TENM2: variants seen among roughly 807,000 people sequenced by gnomAD.
TENM2 encodes the protein teneurin-2.
In TENM2, 52 loss-of-function variants were observed where a neutral mutation model predicts 245.2. That is an observed-to-expected ratio of 0.21 (90% CI 0.17 to 0.27). The LOEUF (loss-of-function observed/expected upper bound fraction) is 0.27, where lower values mean the gene tolerates loss of function less well. Ranked by LOEUF, TENM2 falls within the 10% of genes least tolerant of loss-of-function variation. The pLI is 1.00. For missense variants in TENM2, 3,046 were observed against 3,666.8 expected, an observed-to-expected ratio of 0.83 and a Z score of 4.37; for synonymous variants, 1,363 against 1,438.9, an observed-to-expected ratio of 0.95 and a Z score of 1.19.
the TENM2 span, among the ~76,000 whole-genome samples, chr5:167,049,126 C>G: frequency 6.6e-6 from 1 of 152,150 alleles, no homozygotes; most frequent in African/African-American, 2.4e-5. Flanking sequence ...AGCTATAGGG[C>G]TATCATGCGA....
At chr5:167,681,243 C>T (rs1756685965) in intron 2 of TENM2, among the ~76,000 whole-genome samples, 1 of 152,110 alleles carries the variant, frequency 6.6e-6, no homozygotes, top group African/African-American at 2.4e-5. Flanking sequence ...CATTGTTTTT[C>T]TTCTTTTCTT....
chr5:167,632,295 A>G (rs1219358788), intron 2 of TENM2, among the ~76,000 whole-genome samples: 2 of 152,216 alleles, frequency 1.3e-5, no homozygotes, highest in African/African-American at 4.8e-5. Context: ...CTTGGATCCA[A>G]ATATATCAGG....
intron 2 of TENM2, among the ~76,000 whole-genome samples, chr5:167,812,531 C>T (rs1226760748): frequency 6.6e-6 from 1 of 152,154 alleles, no homozygotes; most frequent in African/African-American, 2.4e-5. Context: ...GTGAATGCTG[C>T]TCGTGGACAT....
intron 2 of TENM2, among the ~76,000 whole-genome samples, chr5:167,857,898 T>C (rs1003179977): frequency 6.6e-6 from 1 of 152,238 alleles, no homozygotes; most frequent in Non-Finnish European, 1.5e-5. Context: ...TAGACTCAGG[T>C]CACTAACTTA....
At chr5:167,133,543 G>A in the TENM2 span, among the ~76,000 whole-genome samples, 1 of 148,906 alleles carries the variant, frequency 6.7e-6, no homozygotes, top group Non-Finnish European at 1.5e-5. Flanking sequence ...TTGCTGACAG[G>A]TATTAATTAT....
chr5:167,515,909 C>G (rs898147338), intron 2 of TENM2, among the ~76,000 whole-genome samples: 2 of 151,966 alleles, frequency 1.3e-5, no homozygotes, highest in Non-Finnish European at 2.9e-5. Flanking sequence ...TAATTACACT[C>G]ATTTAGCCAA....
intron 1 of TENM2, among the ~76,000 whole-genome samples, chr5:167,328,150 TTTC>T (rs886695771): frequency 3.3e-5 from 5 of 151,758 alleles, no homozygotes; most frequent in Non-Finnish European, 7.4e-5. Flanking sequence ...AAAAATCAGT[TTTC>T]TTATTTCTCT....
intron 2 of TENM2, among the ~76,000 whole-genome samples, chr5:167,858,710 G>GCCGCTGCCGCGACCGA (rs1297204077): frequency 1.3e-5 from 2 of 151,096 alleles, no homozygotes; most frequent in Non-Finnish European, 3.0e-5. Context: ...ATGAAGCAGA[G>GCCGCTGCCGCGACCGA]CCGCTGCCGC....
chr5:167,679,209 A>G (rs1009356253), intron 2 of TENM2, among the ~76,000 whole-genome samples: 3 of 152,122 alleles, frequency 2.0e-5, no homozygotes, highest in Non-Finnish European at 2.9e-5. Flanking sequence ...CCCTGTTATC[A>G]TCTACTTATA....
chr5:167,736,686 G>GAAAA (rs57992345), intron 2 of TENM2, among the ~76,000 whole-genome samples: 6 of 127,574 alleles, frequency 4.7e-5, no homozygotes, highest in East Asian at 4.5e-4. Context: ...CCTGGCTCAG[G>GAAAA]AAAAAAAAAA....
rs367755254 is a variant in TENM2, at chr5:167,915,649, AAAC to A, written c.713-36930_713-36928del. On this transcript the variant is annotated intron_variant, in intron 3 of 28. Coordinates refer to ENST00000518659, the Ensembl canonical transcript of TENM2. ...TCTCCAATCCCTCCCCTTACAACAAAAACAACAACAAAAATTAAAGGCATAAAC... is the reference window on the plus strand; with the variant it reads ...TCTCCAATCCCTCCCCTTACAACAAAAACAACAAAAATTAAAGGCATAAAC... 1.6e-3 allele frequency among the ~76,000 whole-genome samples: 242 copies of A among 152,316 alleles called. 1 individual carries two copies. The highest frequency in any genetic ancestry group is 5.6e-3 in the African/African-American group (234 of 41,558).
chr5:167,810,029 T>A (rs1350122076), intron 2 of TENM2, among the ~76,000 whole-genome samples: 1 of 152,080 alleles, frequency 6.6e-6, no homozygotes, highest in Non-Finnish European at 1.5e-5. Flanking sequence ...CAAGGTTAGA[T>A]CTTTAAGGAA....
intron 2 of TENM2, among the ~76,000 whole-genome samples, chr5:167,681,231 CA>C (rs1338033698): frequency 6.6e-6 from 1 of 152,120 alleles, no homozygotes; most frequent in Non-Finnish European, 1.5e-5. Flanking sequence ...CACGGACACA[CA>C]CATTGTTTTT....
chr5:167,851,962 A>G (rs1169466193), intron 2 of TENM2, among the ~76,000 whole-genome samples: 1 of 152,184 alleles, frequency 6.6e-6, no homozygotes, highest in African/African-American at 2.4e-5. Context: ...TTTATTGCCT[A>G]TGTCTGTACT....
chr5:167,757,387 C>T (rs1762378160), intron 2 of TENM2, among the ~76,000 whole-genome samples: 1 of 152,082 alleles, frequency 6.6e-6, no homozygotes, highest in Non-Finnish European at 1.5e-5. Context: ...TGATGGTTTC[C>T]AGCTACATCC....
At chr5:167,878,723 G>GA (rs1416313493) in intron 3 of TENM2, among the ~76,000 whole-genome samples, 1 of 152,170 alleles carries the variant, frequency 6.6e-6, no homozygotes. Flanking sequence ...TGACACGGAA[G>GA]ATGCAAAGTG....
intron 2 of TENM2, among the ~76,000 whole-genome samples, chr5:167,698,658 G>T (rs1232830014): frequency 6.9e-6 from 1 of 145,932 alleles, no homozygotes; most frequent in Non-Finnish European, 1.5e-5. Context: ...CTGTGTGTGT[G>T]TGTGTTTTGT....
intron 1 of TENM2, among the ~76,000 whole-genome samples, chr5:167,321,390 A>G (rs1038406583): frequency 2.0e-5 from 3 of 152,178 alleles, no homozygotes; most frequent in Non-Finnish European, 2.9e-5. Context: ...AGGCTGACAG[A>G]CAGGAATCAC....
At chr5:167,185,586 A>G in the TENM2 span, among the ~76,000 whole-genome samples, 2 of 152,138 alleles carry the variant, frequency 1.3e-5, no homozygotes, top group East Asian at 1.9e-4. Flanking sequence ...AGCGATCACT[A>G]TCATAGATTT....
Sources: gnomAD v4.1 joint callset for allele counts (sites outside exome capture counted in the v4.1 genomes callset) on GRCh38, gnomAD v4.1.1 for gene constraint, MANE v1.5 for transcripts, NCBI Gene and HGNC (gene_info 2026-07-23, HGNC 2026-07-21) for gene names.